ITPA: variants seen among roughly 807,000 people sequenced by gnomAD.
ITPA encodes the protein inosine triphosphatase, also known as inosine triphosphate pyrophosphatase.
Under a neutral mutation model 29.6 loss-of-function variants are expected in ITPA, and 29 were observed. That is an observed-to-expected ratio of 0.98 (90% CI 0.73 to 1.34). The LOEUF (loss-of-function observed/expected upper bound fraction) is 1.34, where lower values mean the gene tolerates loss of function less well. ITPA is among the 40% of genes most tolerant of loss of function. The pLI is 0.00. For missense variants in ITPA, 241 were observed against 251.5 expected (o/e 0.96, Z 0.28); for synonymous variants, 103 against 99.3 (o/e 1.04, Z -0.22).
At chr20:3,225,372 G>A (rs997173471), downstream of ITPA, among the ~76,000 whole-genome samples, 13 of 152,106 alleles carry the variant, frequency 8.5e-5, no homozygotes, top group African/African-American at 2.9e-4. Context: ...TGGGACTTTC[G>A]GTCTCCACCC....
At chr20:3,204,473 C>A (rs2067056838), upstream of ITPA, 2 of 1,494,850 alleles carry the variant, frequency 1.3e-6, no homozygotes, top group South Asian at 2.4e-5. Flanking sequence ...GCGCGACGGT[C>A]CACAAAGGCT....
chr20:3,219,467 G>A (rs148063101), intron 6 of ITPA, among the ~76,000 whole-genome samples: 1,992 of 151,956 alleles, frequency 0.013, 26 homozygotes, highest in South Asian at 0.019. Flanking sequence ...AAATGAGGCC[G>A]GGCGTGATGG....
upstream of ITPA, chr20:3,204,448 C>T: frequency 1.5e-6 from 2 of 1,360,732 alleles, no homozygotes; most frequent in Non-Finnish European, 2.0e-6. Context: ...CAGGTGCGCA[C>T]GCGCAGGAGC....
intron 6 of ITPA, chr20:3,219,107 C>T (rs1330404968): frequency 6.2e-6 from 1 of 162,516 alleles, no homozygotes; most frequent in Non-Finnish European, 1.4e-5. Context: ...ACTTCTCTAA[C>T]CTCAGATTTC....
rs199623719 is a variant in ITPA at position 3,213,279 on chromosome 20, C to T, written c.125-40C>T. ...AAAGATGGTTGGATTTCTCTGTCTT[C>T]CTGTGACCTGACTTTCTGTGTGTCT... is the stretch of plus-strand genomic sequence containing the variant. On this transcript the variant is annotated intron_variant, in intron 2 of 7. Transcript: ENST00000380113. The T allele has an allele frequency of 8.1e-6, 13 of 1,614,144 alleles. No individual in the cohort carries two copies. The East Asian group carries it at 2.9e-4, about 36-fold the overall frequency.
chr20:3,213,041 C>T lies in ITPA; in HGVS notation c.67-128C>T, dbSNP rs78089909. ...ACCCTGAAAGCCGGGGTGAGGCCCACAGGCCTGAGTTGGTAAGCTTTAGGA... is the reference window on the plus strand; with the variant it reads ...ACCCTGAAAGCCGGGGTGAGGCCCATAGGCCTGAGTTGGTAAGCTTTAGGA... On this transcript the variant is annotated intron_variant, in intron 1 of 7. Transcript: ENST00000380113. 0.11 allele frequency: 108,132 copies of T among 988,524 alleles called. 6,662 individuals are homozygous for T. Among genetic ancestry groups the T allele is most frequent in the African/African-American group, 0.15 (9,103 of 62,666 alleles). 61.2% of individuals were successfully genotyped at this position (988,524 alleles called of 1,614,324 possible). A position where few individuals can be genotyped will look rare whatever the true frequency, so the allele number is the denominator to read the frequency against.
At chr20:3,209,240 C>G (rs2067115082), upstream of ITPA, 1 of 435,804 alleles carries the variant, frequency 2.3e-6, no homozygotes, top group Non-Finnish European at 4.1e-6. This position sits in a 1 kb window ranked among gnomAD's most constrained non-coding sequence, Gnocchi z 4.6. Flanking sequence ...GACCCCATTG[C>G]AGAGAAGAGC....
chr20:3,209,482 C>T (rs1391723595), upstream of ITPA: 2 of 1,417,798 alleles, frequency 1.4e-6, no homozygotes, highest in African/African-American at 1.4e-5. The surrounding 1 kb of genome is among the most constrained non-coding windows in gnomAD (Gnocchi z 4.6). Context: ...CTTCCGCCAC[C>T]AGCCGGAAGT....
intron 5 of ITPA, 91 bp downstream of exon 5, chr20:3,215,403 C>T: frequency 8.3e-7 from 1 of 1,208,902 alleles, no homozygotes; most frequent in East Asian, 2.3e-5. Context: ...AATCAGGAGT[C>T]CCAGGTTCTA....
intron 5 of ITPA, among the ~76,000 whole-genome samples, chr20:3,215,804 G>C (rs1369870639): frequency 6.6e-6 from 1 of 152,058 alleles, no homozygotes; most frequent in Non-Finnish European, 1.5e-5. Flanking sequence ...TCCTGCCTTA[G>C]CCTTCCAAGT....
At position 3,216,152 on chromosome 20, in the gene ITPA, G is replaced by A. The variant is rs577106373; in HGVS notation, c.295+840G>A. On this transcript the variant is annotated intron_variant, in intron 5 of 7. Transcript: ENST00000380113. ...ATTACAGGCATGCGCCAGCACGCTG[G>A]CTAAGTTTTTTTTTTTTTTTTTTTT... 6.0e-5 allele frequency among the ~76,000 whole-genome samples: 8 copies of A among 133,284 alleles called. No homozygotes were observed. In the Admixed American group the frequency reaches 6.0e-4, roughly 10 times the overall value. The allele number at this position is 133,284 out of a possible 152,430, so 87.4% of individuals were successfully genotyped here.
upstream of ITPA, among the ~76,000 whole-genome samples, chr20:3,206,843 AAG>A (rs894899878): frequency 6.6e-6 from 1 of 150,662 alleles, no homozygotes; most frequent in African/African-American, 2.4e-5. Context: ...AAAAAAAAAA[AAG>A]AAGAAGAAAG....
At chr20:3,204,433 C>A, upstream of ITPA, 1 of 1,224,392 alleles carries the variant, frequency 8.2e-7, no homozygotes, top group Non-Finnish European at 1.1e-6. Context: ...TGCGTCCCGC[C>A]CGCCCAGGTG....
chr20:3,225,488 A>G (rs1197435733), downstream of ITPA, among the ~76,000 whole-genome samples: 2 of 152,164 alleles, frequency 1.3e-5, no homozygotes, highest in East Asian at 3.9e-4. Flanking sequence ...TAAAAACCCA[A>G]AAGGCCAGGG....
intron 5 of ITPA, among the ~76,000 whole-genome samples, chr20:3,216,561 C>T (rs1363746222): frequency 6.6e-6 from 1 of 151,208 alleles, no homozygotes; most frequent in East Asian, 1.9e-4. Context: ...TCAAGTGATT[C>T]TCCTGCCTCA....
intron 6 of ITPA, 90 bp downstream of exon 6, chr20:3,218,722 TG>T: frequency 2.1e-6 from 2 of 969,858 alleles, no homozygotes; most frequent in South Asian, 1.3e-5. Flanking sequence ...GGGAGGGTGG[TG>T]GGAGGGGCGC....
chr20:3,209,365 T>G, upstream of ITPA: 1 of 678,054 alleles, frequency 1.5e-6, no homozygotes, highest in Non-Finnish European at 2.7e-6. This position sits in a 1 kb window ranked among gnomAD's most constrained non-coding sequence, Gnocchi z 4.6. Flanking sequence ...CCCCAGCAAA[T>G]CGGACGCTGT....
At chr20:3,220,006 C>T (rs1390845145) in intron 6 of ITPA, among the ~76,000 whole-genome samples, 1 of 143,590 alleles carries the variant, frequency 7.0e-6, no homozygotes, top group Non-Finnish European at 1.5e-5. Context: ...CGCACTCCTG[C>T]ACTCCAGCCA....
upstream of ITPA, among the ~76,000 whole-genome samples, chr20:3,207,696 A>AAACAACAACAACAACAAC (rs369887745): frequency 0.099 from 14,876 of 150,594 alleles, 1,048 homozygotes; most frequent in South Asian, 0.28. Context: ...CTCCATCTCA[A>AAACAACAACAACAACAAC]AACAACAACA....
Sources: gnomAD v4.1 joint callset for allele counts (sites outside exome capture counted in the v4.1 genomes callset) on GRCh38, gnomAD v4.1.1 for gene constraint, Gnocchi (gnomAD v3.1) non-coding constraint, MANE v1.5 for transcripts, NCBI Gene and HGNC (gene_info 2026-07-23, HGNC 2026-07-21) for gene names.